Variants in TTLL11 observed in about 807,000 individuals in gnomAD.
The protein encoded by TTLL11 is tubulin tyrosine ligase like 11.
A neutral mutation model predicts 51.7 loss-of-function variants in TTLL11; 42 were observed. The observed-to-expected ratio is 0.81, with a 90% CI of 0.64 to 1.05. The LOEUF is 1.05. Ranked by LOEUF, TTLL11 falls within the 50% of genes least tolerant of loss-of-function variation. TTLL11 has a pLI of 0.00. For missense variants in TTLL11, 799 were observed against 940.4 expected (o/e 0.85, Z 1.97); for synonymous variants, 381 against 383.5 (o/e 0.99, Z 0.08).
intron 3 of TTLL11, among the ~76,000 whole-genome samples, chr9:122,012,680 A>ACACACACACACACACACG (rs1843844038): frequency 1.6e-5 from 2 of 127,916 alleles, no homozygotes; most frequent in African/African-American, 7.0e-5. Context: ...ACACACACGC[A>ACACACACACACACACACG]CACACACACA....
At position 121,822,479 on chromosome 9, in the gene TTLL11, G is replaced by A; in HGVS notation, c.*108C>T. 1 of 1,112,388 alleles carries A rather than the reference G, an allele frequency of 9.0e-7. No homozygotes were observed. Among genetic ancestry groups the A allele is most frequent in the East Asian group, 2.9e-5 (1 of 34,782 alleles). The allele number at this position is 1,112,388 out of a possible 1,614,324, so 68.9% of individuals were successfully genotyped here. On this transcript the variant is annotated 3_prime_UTR_variant, in exon 9 of 9. Transcript: ENST00000321582. This position sits in a 1 kb window ranked among gnomAD's most constrained non-coding sequence, Gnocchi z 5.8. Reference sequence around the variant, plus strand: ...GAGACAGTTCGTGGGGACCTCAGCTGGGCCCCTCGGCAGCCTGCCTGCCAT... The same window carrying A: ...GAGACAGTTCGTGGGGACCTCAGCTAGGCCCCTCGGCAGCCTGCCTGCCAT...
intron 6 of TTLL11, among the ~76,000 whole-genome samples, chr9:121,924,252 A>C (rs569587402): frequency 2.8e-4 from 43 of 152,254 alleles, no homozygotes; most frequent in Non-Finnish European, 5.9e-4. Flanking sequence ...TACTCAGTAC[A>C]GTGCATGGCC....
At chr9:121,954,703 C>CACAG in intron 6 of TTLL11, among the ~76,000 whole-genome samples, 1 of 148,922 alleles carries the variant, frequency 6.7e-6, no homozygotes, top group African/African-American at 2.5e-5. Context: ...CACACAGACA[C>CACAG]ACACACACAC....
At chr9:121,870,824 C>T (rs1838333454) in intron 6 of TTLL11, 76 bp from the exon 7 acceptor site, 5 of 1,421,332 alleles carry the variant, frequency 3.5e-6, no homozygotes, top group African/African-American at 1.4e-5. Context: ...ACAGCCTCCT[C>T]GGGAGGCAGC....
intron 4 of TTLL11, among the ~76,000 whole-genome samples, chr9:121,985,451 T>C (rs533631210): frequency 1.3e-5 from 2 of 151,630 alleles, no homozygotes; most frequent in East Asian, 3.9e-4. Flanking sequence ...AAAAGTGTTC[T>C]TACAAGTGAT....
intron 6 of TTLL11, among the ~76,000 whole-genome samples, chr9:121,972,021 A>AC (rs1432163987): frequency 4.6e-5 from 7 of 151,994 alleles, no homozygotes; most frequent in African/African-American, 1.7e-4. Context: ...TAGGAGAAAT[A>AC]CCTAATGTAG....
chr9:121,825,291 G>A (rs1456571758), intron 8 of TTLL11, among the ~76,000 whole-genome samples: 3 of 152,116 alleles, frequency 2.0e-5, no homozygotes, highest in Non-Finnish European at 4.4e-5. Context: ...TCTAAGGCCC[G>A]AGGAACCCAG....
At chr9:122,073,095 C>T (rs924819024) in intron 1 of TTLL11, among the ~76,000 whole-genome samples, 1 of 152,070 alleles carries the variant, frequency 6.6e-6, no homozygotes. Flanking sequence ...CAGATGTGGC[C>T]CTTGCACTTA....
intron 6 of TTLL11, among the ~76,000 whole-genome samples, chr9:121,968,493 T>C (rs576145450): frequency 1.6e-4 from 24 of 152,360 alleles, no homozygotes; most frequent in East Asian, 1.5e-3. Flanking sequence ...GCTTTAAGTA[T>C]ACCAGGAAAG....
intron 1 of TTLL11, among the ~76,000 whole-genome samples, chr9:122,063,010 G>A (rs542793636): frequency 5.4e-4 from 82 of 152,050 alleles, no homozygotes; most frequent in South Asian, 1.9e-3. Flanking sequence ...TGAACTCCTG[G>A]GCTCAAGAGA....
At chr9:121,933,605 T>C (rs1052923639) in intron 6 of TTLL11, among the ~76,000 whole-genome samples, 1 of 152,176 alleles carries the variant, frequency 6.6e-6, no homozygotes, top group Admixed American at 6.5e-5. Flanking sequence ...AAATATTCAC[T>C]CATTTAAAAA....
chr9:121,858,441 G>A (rs561634013), intron 8 of TTLL11, among the ~76,000 whole-genome samples: 294 of 152,260 alleles, frequency 1.9e-3, no homozygotes, highest in African/African-American at 6.8e-3. Context: ...AATTCTAGCC[G>A]GTGCTGCACA....
At chr9:122,039,031 C>T (rs56352081) in intron 2 of TTLL11, among the ~76,000 whole-genome samples, 18,639 of 152,066 alleles carry the variant, frequency 0.12, 2,585 homozygotes, top group African/African-American at 0.35. Context: ...ATATTATATG[C>T]ATAACCCAAA....
chr9:122,053,444 C>T (rs548905456), intron 1 of TTLL11, among the ~76,000 whole-genome samples: 28 of 152,196 alleles, frequency 1.8e-4, no homozygotes. Context: ...GAGAGGTCCA[C>T]GCAGCCCACA....
chr9:121,999,325 A>C (rs951585472), intron 3 of TTLL11, among the ~76,000 whole-genome samples: 1 of 152,046 alleles, frequency 6.6e-6, no homozygotes, highest in Non-Finnish European at 1.5e-5. Context: ...TGGGCTCCAG[A>C]CTCATACAAT....
chr9:122,093,000 T>TC lies in TTLL11; in HGVS notation c.148dup (p.Glu50GlyfsTer25). ...CTCCTCCCCTGCCTTGCACTCCGGT[T>TC]CCCCGGCCGCGCCCGCGTCCACGCG... is the stretch of plus-strand genomic sequence containing the variant. On this transcript the variant is annotated frameshift_variant, in exon 1 of 9. Transcript: ENST00000321582. LOFTEE classifies it high-confidence loss of function. 5.2e-6 allele frequency: 8 copies of TC among 1,545,360 alleles called. No homozygotes were observed. Among genetic ancestry groups the TC allele is most frequent in the Non-Finnish European group, 6.9e-6 (8 of 1,155,178 alleles).
intron 6 of TTLL11, among the ~76,000 whole-genome samples, chr9:121,946,367 T>C (rs529584073): frequency 6.6e-6 from 1 of 152,232 alleles, no homozygotes; most frequent in African/African-American, 2.4e-5. Flanking sequence ...TGGCATGACC[T>C]CATCAGTTTC....
chr9:121,826,184 C>CTATA (rs1166211047), intron 8 of TTLL11, among the ~76,000 whole-genome samples: 2,223 of 50,968 alleles, frequency 0.044, 119 homozygotes, highest in Admixed American at 0.06. Flanking sequence ...AACCAGTAAC[C>CTATA]TATATATATA....
chr9:121,873,831 CTTTTTTT>C (rs71508142), intron 6 of TTLL11, among the ~76,000 whole-genome samples: 5 of 77,392 alleles, frequency 6.5e-5, no homozygotes, highest in African/African-American at 2.4e-4. Context: ...ATTAGCCTGA[CTTTTTTT>C]TTTTTTTTTT....
Sources: allele counts gnomAD v4.1 joint callset (sites outside exome capture counted in the v4.1 genomes callset), GRCh38; gene constraint gnomAD v4.1.1; non-coding constraint Gnocchi (gnomAD v3.1); transcripts MANE v1.5; gene names NCBI Gene and HGNC (gene_info 2026-07-23, HGNC 2026-07-21).